The following GRK5 variants were observed in gnomAD, a reference collection of about 807,000 sequenced individuals.
GRK5 encodes G protein-coupled receptor kinase 5, also known as g protein-coupled receptor kinase GRK5.
Under a neutral mutation model 78.4 loss-of-function variants are expected in GRK5, and 40 were observed. That is an observed-to-expected ratio of 0.51 (90% CI 0.40 to 0.66). GRK5 has a LOEUF of 0.66. Ranked by LOEUF, GRK5 falls within the 30% of genes least tolerant of loss-of-function variation. The pLI is 0.00. For missense variants in GRK5, 598 were observed against 759.9 expected, an observed-to-expected ratio of 0.79 and a Z score of 2.50; for synonymous variants, 289 against 296.8, an observed-to-expected ratio of 0.97 and a Z score of 0.27.
intron 2 of GRK5, among the ~76,000 whole-genome samples, chr10:119,354,395 CTTTT>C (rs60146483): frequency 0.042 from 3,658 of 87,742 alleles, 73 homozygotes; most frequent in Admixed American, 0.11. Flanking sequence ...CCTACATCTC[CTTTT>C]TTTTTTTTTT....
Position 119,449,304 on chromosome 10 carries a change from A to G in GRK5, c.1404+1044A>G, listed in dbSNP as rs191947391. Among the ~76,000 whole-genome samples, 613 of 152,334 alleles carry G rather than the reference A, an allele frequency of 4.0e-3. 3 individuals carry two copies. Among genetic ancestry groups the G allele is most frequent in the African/African-American group, 0.014 (585 of 41,584 alleles). On this transcript the variant is annotated intron_variant, in intron 13 of 15. Transcript: ENST00000392870. ...TACCAGTACCGCCCTGAGTGGAGGC[A>G]GGTGGGGACCGTCCTTGGAACTCTG...
intron 2 of GRK5, among the ~76,000 whole-genome samples, chr10:119,342,313 G>C (rs968658193): frequency 6.6e-6 from 1 of 152,222 alleles, no homozygotes; most frequent in African/African-American, 2.4e-5. Flanking sequence ...GGATTGGGAC[G>C]GAGACAGCAG....
intron 1 of GRK5, among the ~76,000 whole-genome samples, chr10:119,314,094 G>A (rs756231200): frequency 7.2e-5 from 11 of 152,308 alleles, no homozygotes; most frequent in African/African-American, 2.2e-4. Context: ...CCCCAGTTCC[G>A]CTCCTGTAGA....
At chr10:119,291,603 T>TTCC (rs1235503801) in intron 1 of GRK5, among the ~76,000 whole-genome samples, 1 of 87,242 alleles carries the variant, frequency 1.1e-5, no homozygotes, top group African/African-American at 4.6e-5. Flanking sequence ...CCTCCTCCTC[T>TTCC]TCCTCCTCCT....
At chr10:119,273,797 G>A (rs972189581) in intron 1 of GRK5, among the ~76,000 whole-genome samples, 3 of 151,906 alleles carry the variant, frequency 2.0e-5, no homozygotes, top group African/African-American at 4.8e-5. Flanking sequence ...TTTTTTTGAT[G>A]GAGTCTCGCT....
At chr10:119,437,790 T>C (rs1852953198) in intron 9 of GRK5, among the ~76,000 whole-genome samples, 1 of 152,192 alleles carries the variant, frequency 6.6e-6, no homozygotes, top group African/African-American at 2.4e-5. Context: ...TGACCGTAAG[T>C]CTCTAAGTGT....
At chr10:119,454,905 T>C in intron 15 of GRK5, 64 bp from the exon 16 acceptor site, 1 of 1,073,332 alleles carries the variant, frequency 9.3e-7, no homozygotes, top group Non-Finnish European at 1.4e-6. Flanking sequence ...CCCCGACCCA[T>C]CCCCAGGGCT....
chr10:119,434,356 C>T (rs1327855963), intron 8 of GRK5, among the ~76,000 whole-genome samples: 1 of 152,232 alleles, frequency 6.6e-6, no homozygotes, highest in Non-Finnish European at 1.5e-5. Flanking sequence ...CCATCTGAGA[C>T]AAAGCAAGTC....
At chr10:119,423,020 G>T (rs1852600946) in intron 4 of GRK5, 146 bp from the exon 5 acceptor site, 2 of 677,862 alleles carry the variant, frequency 3.0e-6, no homozygotes, top group Non-Finnish European at 5.4e-6. Flanking sequence ...GGAGGGGGCA[G>T]CAGGTCACAC....
At position 119,413,902 on chromosome 10, in the gene GRK5, G is replaced by A. The variant is rs192305946; in HGVS notation, c.340-9264G>A. On this transcript the variant is annotated intron_variant, in intron 4 of 15. Transcript: ENST00000392870. Reference sequence around the variant, plus strand: ...AGACCCGACTCCCACCCCTGCCCCCGCCCAGGCCAGGCTTCCCGTAGCTGA... The same window carrying A: ...AGACCCGACTCCCACCCCTGCCCCCACCCAGGCCAGGCTTCCCGTAGCTGA... Among the ~76,000 whole-genome samples the A allele has an allele frequency of 2.1e-3, 324 of 152,178 alleles. 1 individual carries two copies. Among genetic ancestry groups the A allele is most frequent in the African/African-American group, 7.4e-3 (309 of 41,536 alleles).
intron 10 of GRK5, 28 bp downstream of exon 10, chr10:119,439,796 G>C: frequency 6.2e-7 from 1 of 1,610,528 alleles, no homozygotes; most frequent in Non-Finnish European, 8.5e-7. Context: ...CGGTAGCTGA[G>C]GTGAGCATTG....
At chr10:119,382,662 G>T (rs1307537676) in intron 3 of GRK5, among the ~76,000 whole-genome samples, 1 of 152,120 alleles carries the variant, frequency 6.6e-6, no homozygotes, top group Non-Finnish European at 1.5e-5. Context: ...TACTATCACA[G>T]CTTAAAAAAT....
Position 119,445,772 on chromosome 10 carries a change from C to G in GRK5, c.1266+2020C>G, listed in dbSNP as rs1355787329. The stretch of plus-strand genomic sequence containing the variant: ...GAGCCTGACTTGCCAGGAGACCTCG[C>G]AGGTCCTGGGTTCACAGGGCTATTT... On this transcript the variant is annotated intron_variant, in intron 12 of 15. Coordinates refer to ENST00000392870, the MANE Select transcript of GRK5 (RefSeq NM_005308.3). The surrounding 1 kb of genome is among the most constrained non-coding windows in gnomAD (Gnocchi z 4.1). Among the ~76,000 whole-genome samples, 1 of 152,194 alleles carries G rather than the reference C, an allele frequency of 6.6e-6. No homozygotes were observed. Among genetic ancestry groups the G allele is most frequent in the Non-Finnish European group, 1.5e-5 (1 of 68,034 alleles).
Position 119,445,412 on chromosome 10 carries a change from A to G in GRK5, c.1266+1660A>G, listed in dbSNP as rs1853124329. Among the ~76,000 whole-genome samples, 1 of 152,032 alleles carries G rather than the reference A, an allele frequency of 6.6e-6. No individual in the cohort carries two copies. Among genetic ancestry groups the G allele is most frequent in the South Asian group, 2.1e-4 (1 of 4,824 alleles). On this transcript the variant is annotated intron_variant, in intron 12 of 15. Transcript: ENST00000392870. The surrounding 1 kb of genome is among the most constrained non-coding windows in gnomAD (Gnocchi z 4.1). Reference sequence around the variant, plus strand: ...ACGTACTAAGAGGATGACGAGGCGGAGAGGGCCCCAGTCCCACCCCCAGAC... The same window carrying G: ...ACGTACTAAGAGGATGACGAGGCGGGGAGGGCCCCAGTCCCACCCCCAGAC...
intron 1 of GRK5, among the ~76,000 whole-genome samples, chr10:119,210,271 C>CA (rs1393783456): frequency 6.6e-6 from 1 of 152,194 alleles, no homozygotes; most frequent in Non-Finnish European, 1.5e-5. Context: ...GAGAGACTGA[C>CA]ACGTGAACAA....
intron 10 of GRK5, among the ~76,000 whole-genome samples, chr10:119,440,393 T>C (rs1332759064): frequency 6.6e-6 from 1 of 152,084 alleles, no homozygotes; most frequent in Non-Finnish European, 1.5e-5. Flanking sequence ...CTTCTTTTTT[T>C]TTTTTTGAGA....
intron 4 of GRK5, 123 bp downstream of exon 4, chr10:119,396,895 ACCT>A: frequency 1.3e-6 from 1 of 764,694 alleles, no homozygotes; most frequent in East Asian, 2.4e-5. Context: ...GCTGTTGTTG[ACCT>A]CCTGAGATCA....
In GRK5 at chr10:119,240,753, A is replaced by AT. The variant is rs200021983; in HGVS notation, c.52+32794dup. Among the ~76,000 whole-genome samples, 942 of 149,546 alleles carry AT rather than the reference A, an allele frequency of 6.3e-3. 3 individuals are homozygous for AT. The highest frequency in any genetic ancestry group is 0.012 in the South Asian group (58 of 4,730). ...CCCTTTGTCAGATGGATAGATTGCA[A>AT]TTTTTTTTTTAAGTGACGTGGTCTC... On this transcript the variant is annotated intron_variant, in intron 1 of 15. Coordinates refer to ENST00000392870, the MANE Select transcript of GRK5 (RefSeq NM_005308.3).
chr10:119,340,641 T>G (rs4752292), intron 2 of GRK5, among the ~76,000 whole-genome samples: 113,700 of 152,136 alleles, frequency 0.75, 44,837 homozygotes, highest in Middle Eastern at 0.87. Context: ...TGCCCAGACA[T>G]CAGATATCAT....
Sources: allele counts gnomAD v4.1 joint callset (sites outside exome capture counted in the v4.1 genomes callset), GRCh38; gene constraint gnomAD v4.1.1; non-coding constraint Gnocchi (gnomAD v3.1); transcripts MANE v1.5; gene names NCBI Gene and HGNC (gene_info 2026-07-23, HGNC 2026-07-21).